The following TBCK variants were observed in gnomAD, a reference collection of about 807,000 sequenced individuals.
The protein encoded by TBCK is TBC domain-containing protein kinase-like protein.
Under a neutral mutation model 113.4 loss-of-function variants are expected in TBCK, and 99 were observed. That is an observed-to-expected ratio of 0.87 (90% CI 0.74 to 1.03). The LOEUF is 1.03. Ranked by LOEUF, TBCK falls within the 50% of genes least tolerant of loss-of-function variation. The pLI is 0.00. For missense variants in TBCK, 1,045 were observed against 1,061.3 expected (o/e 0.98, Z 0.21); for synonymous variants, 369 against 370.8 (o/e 1.00, Z 0.05).
chr4:106,185,023 GTT>G (rs1752852264), intron 22 of TBCK, among the ~76,000 whole-genome samples: 1 of 151,876 alleles, frequency 6.6e-6, no homozygotes, highest in Non-Finnish European at 1.5e-5. Flanking sequence ...TGCAGCCATC[GTT>G]TTCTCTCTTT....
intron 3 of TBCK, among the ~76,000 whole-genome samples, chr4:106,268,508 C>T (rs7688411): frequency 0.16 from 24,245 of 151,982 alleles, 1,965 homozygotes; most frequent in South Asian, 0.25. Context: ...ATTAAATTCT[C>T]TACCACTAAT....
intron 25 of TBCK, among the ~76,000 whole-genome samples, chr4:106,054,927 G>C (rs770031646): frequency 6.7e-6 from 1 of 149,576 alleles, no homozygotes; most frequent in Non-Finnish European, 1.5e-5. Context: ...TTTTTAAAAT[G>C]ATATCTTAGG....
intron 25 of TBCK, among the ~76,000 whole-genome samples, chr4:106,067,989 A>C (rs926451920): frequency 6.6e-6 from 1 of 152,034 alleles, no homozygotes. Context: ...TTTAATATGA[A>C]TTTTAGTATG....
chr4:106,216,929 G>C (rs1293210270), intron 19 of TBCK, among the ~76,000 whole-genome samples: 3 of 151,956 alleles, frequency 2.0e-5, no homozygotes, highest in Non-Finnish European at 4.4e-5. Flanking sequence ...GAGAATTTTA[G>C]ACCAATATCC....
At chr4:106,248,821 A>AT in intron 8 of TBCK, 100 bp downstream of exon 8, 1 of 944,566 alleles carries the variant, frequency 1.1e-6, no homozygotes, top group Non-Finnish European at 1.6e-6. Context: ...CCTAGTTTCA[A>AT]TAACTGTGGA....
intron 21 of TBCK, 108 bp downstream of exon 21, chr4:106,194,610 A>G: frequency 2.4e-6 from 2 of 838,882 alleles, no homozygotes; most frequent in Non-Finnish European, 3.7e-6. Context: ...ACACATAAAA[A>G]TACTTACTAA....
intron 23 of TBCK, among the ~76,000 whole-genome samples, chr4:106,121,199 A>C (rs1185612429): frequency 3.3e-5 from 5 of 151,850 alleles, no homozygotes; most frequent in African/African-American, 1.2e-4. Context: ...CAAATGGAAA[A>C]CAAAAAAAGG....
At chr4:106,163,462 A>G (rs1366507872) in intron 23 of TBCK, 1 of 152,176 alleles carries the variant, frequency 6.6e-6, no homozygotes, top group African/African-American at 2.4e-5. Context: ...ACCCAACTGT[A>G]CCAGTACCTA....
intron 23 of TBCK, among the ~76,000 whole-genome samples, chr4:106,158,131 A>C (rs377602542): frequency 2.4e-4 from 36 of 152,312 alleles, no homozygotes; most frequent in African/African-American, 7.9e-4. Flanking sequence ...TAGAAGTTTG[A>C]ATTTTATTGT....
At position 106,271,041 on chromosome 4, in the gene TBCK, A is replaced by G. The variant is rs1050235117; in HGVS notation, c.267-8829T>C. On this transcript the variant is annotated intron_variant, in intron 3 of 25. Transcript: ENST00000394708. ...AGACAAAGCAAAATAATACTTTAAT[A>G]GCCAAAGCTTTGTCTCCAAATTTTA... Among the ~76,000 whole-genome samples the G allele has an allele frequency of 5.3e-5, 8 of 152,202 alleles. 1 individual carries two copies. The highest frequency in any genetic ancestry group is 2.6e-4 in the Admixed American group (4 of 15,276).
intron 25 of TBCK, among the ~76,000 whole-genome samples, chr4:106,050,089 CA>C (rs59221576): frequency 0.011 from 1,713 of 152,034 alleles, 31 homozygotes; most frequent in African/African-American, 0.039. Flanking sequence ...TGAACTTTAT[CA>C]GACATAGTAG....
At chr4:106,278,789 T>C (rs956153473) in intron 3 of TBCK, among the ~76,000 whole-genome samples, 1 of 151,962 alleles carries the variant, frequency 6.6e-6, no homozygotes, top group Non-Finnish European at 1.5e-5. Context: ...AAGATTCCTA[T>C]CTTATATGTG....
At chr4:106,176,985 T>C (rs949155038) in intron 22 of TBCK, among the ~76,000 whole-genome samples, 5 of 150,918 alleles carry the variant, frequency 3.3e-5, no homozygotes, top group African/African-American at 1.2e-4. Flanking sequence ...AAATACAGGG[T>C]CTCACTAAGT....
chr4:106,201,423 ATAT>A, intron 20 of TBCK, among the ~76,000 whole-genome samples: 1 of 152,232 alleles, frequency 6.6e-6, no homozygotes, highest in East Asian at 1.9e-4. Context: ...AATATTAGAG[ATAT>A]TATTAGCTAT....
chr4:106,265,141 T>A (rs1324843171), intron 3 of TBCK, among the ~76,000 whole-genome samples: 1 of 151,954 alleles, frequency 6.6e-6, no homozygotes, highest in Non-Finnish European at 1.5e-5. Context: ...CACAGAAATA[T>A]TCACAAGGAA....
At chr4:106,250,360 G>T in intron 7 of TBCK, 58 bp downstream of exon 7, 1 of 1,153,390 alleles carries the variant, frequency 8.7e-7, no homozygotes, top group South Asian at 1.4e-5. Flanking sequence ...CAATGTGCAT[G>T]ATTACTAATA....
chr4:106,295,042 T>A (rs373092561), intron 3 of TBCK, 52 bp downstream of exon 3: 50 of 1,487,948 alleles, frequency 3.4e-5, no homozygotes, highest in Non-Finnish European at 4.3e-5. Context: ...AAAATGCCTT[T>A]TTGTTTGCCA....
At chr4:106,143,637 G>A (rs914243948) in intron 23 of TBCK, among the ~76,000 whole-genome samples, 1 of 152,102 alleles carries the variant, frequency 6.6e-6, no homozygotes, top group African/African-American at 2.4e-5. Context: ...AAGGCAGGCC[G>A]GGTGCCGTGG....
intron 24 of TBCK, among the ~76,000 whole-genome samples, chr4:106,098,061 T>A (rs952913073): frequency 2.6e-5 from 4 of 152,022 alleles, no homozygotes; most frequent in Non-Finnish European, 5.9e-5. Flanking sequence ...GGAAAACAAG[T>A]ATACATAGGA....
Sources: gnomAD v4.1 joint callset for allele counts (sites outside exome capture counted in the v4.1 genomes callset) on GRCh38, gnomAD v4.1.1 for gene constraint, MANE v1.5 for transcripts, NCBI Gene and HGNC (gene_info 2026-07-23, HGNC 2026-07-21) for gene names.